ASTN2: variants seen among roughly 807,000 people sequenced by gnomAD.
ASTN2 encodes the protein astrotactin-2.
In ASTN2, 54 loss-of-function variants were observed where a neutral mutation model predicts 139.8. The observed-to-expected ratio is 0.39, with a 90% confidence interval of 0.31 to 0.48. The LOEUF is 0.48. Ranked by LOEUF, ASTN2 falls within the 20% of genes least tolerant of loss-of-function variation. The pLI is 0.95. For synonymous variants in ASTN2, 756 were observed against 719.5 expected (o/e 1.05, Z -0.81); for missense variants, 1,565 against 1,725.1 (o/e 0.91, Z 1.64).
At chr9:117,321,206 A>C (rs940658530) in intron 1 of ASTN2, among the ~76,000 whole-genome samples, 1 of 152,234 alleles carries the variant, frequency 6.6e-6, no homozygotes, top group African/African-American at 2.4e-5. Context: ...TGCTTAGTGA[A>C]TATCTGTGGA....
intron 1 of ASTN2, among the ~76,000 whole-genome samples, chr9:117,366,675 G>A (rs1442820127): frequency 1.3e-5 from 2 of 152,060 alleles, no homozygotes; most frequent in African/African-American, 4.8e-5. Flanking sequence ...TGGTGTCTGA[G>A]CTCCTGCACC....
rs1190148168 is a variant in ASTN2, at chr9:117,414,811, G to T, written c.128C>A (p.Pro43Gln). ...GGCGCCGGCCAGCAGCGGCGGCGGCGGCAGCAGGAGCAGGAACAGCAGCAG... is the reference window on the plus strand; with the variant it reads ...GGCGCCGGCCAGCAGCGGCGGCGGCTGCAGCAGGAGCAGGAACAGCAGCAG... ...PLLLLFLLLL[P>Q]PPPLLAGATA... Residue 43 changes from proline to glutamine, a missense_variant, in exon 1 of 23, where the codon CCG (proline) becomes CAG (glutamine). Pro to Gln is a moderately conservative substitution (Grantham distance 76). Coordinates refer to ENST00000313400, the MANE Select transcript of ASTN2 (RefSeq NM_001365068.1). This position sits in a 1 kb window ranked among gnomAD's most constrained non-coding sequence, Gnocchi z 4.2. 1 of 1,221,490 alleles carries T rather than the reference G, an allele frequency of 8.2e-7. No homozygotes were observed. Among genetic ancestry groups the T allele is most frequent in the Non-Finnish European group, 1.0e-6 (1 of 979,880 alleles). The allele number at this position is 1,221,490 out of a possible 1,614,324, so 75.7% of individuals were successfully genotyped here.
At chr9:116,711,486 G>A (rs12352766) in intron 16 of ASTN2, among the ~76,000 whole-genome samples, 11,091 of 152,226 alleles carry the variant, frequency 0.073, 703 homozygotes, top group African/African-American at 0.17. Flanking sequence ...CATGTATGCA[G>A]CTACATACCA....
chr9:116,623,718 A>G (rs114993230), intron 17 of ASTN2, among the ~76,000 whole-genome samples: 408 of 152,288 alleles, frequency 2.7e-3, no homozygotes, highest in African/African-American at 9.6e-3. Context: ...GCTCAAAATT[A>G]CCCATTGAAA....
intron 6 of ASTN2, among the ~76,000 whole-genome samples, chr9:117,028,180 A>C (rs1339305361): frequency 1.3e-5 from 2 of 152,164 alleles, no homozygotes; most frequent in Non-Finnish European, 2.9e-5. Flanking sequence ...GTTTAAATGG[A>C]AGCCAGAGTT....
chr9:116,613,816 A>T (rs1211288795), intron 19 of ASTN2, among the ~76,000 whole-genome samples: 1 of 152,216 alleles, frequency 6.6e-6, no homozygotes, highest in Non-Finnish European at 1.5e-5. Context: ...AAACTGGCAC[A>T]AGACAGGGAT....
At chr9:117,017,066 G>A (rs941774031) in intron 6 of ASTN2, among the ~76,000 whole-genome samples, 1 of 151,780 alleles carries the variant, frequency 6.6e-6, no homozygotes, top group African/African-American at 2.4e-5. Flanking sequence ...GACAAAAAAG[G>A]TTTGAAGTTT....
chr9:116,481,446 C>T (rs962134739), intron 20 of ASTN2, among the ~76,000 whole-genome samples: 5 of 152,142 alleles, frequency 3.3e-5, no homozygotes, highest in Non-Finnish European at 1.5e-5. Flanking sequence ...CAAGGCCACA[C>T]AGTGGGTAAA....
chr9:116,662,646 T>C (rs1249054132), intron 16 of ASTN2, among the ~76,000 whole-genome samples: 1 of 152,198 alleles, frequency 6.6e-6, no homozygotes, highest in Non-Finnish European at 1.5e-5. Flanking sequence ...GTTCTTGTTA[T>C]TATTACTATT....
chr9:116,747,693 GCACACACA>G (rs56265727), intron 13 of ASTN2, among the ~76,000 whole-genome samples: 2,424 of 149,132 alleles, frequency 0.016, 48 homozygotes, highest in African/African-American at 0.047. Context: ...GTGTGCATGA[GCACACACA>G]CACACACACA....
chr9:117,106,983 T>A (rs574957325), intron 4 of ASTN2, among the ~76,000 whole-genome samples: 1 of 152,302 alleles, frequency 6.6e-6, no homozygotes, highest in South Asian at 2.1e-4. Context: ...TACCTACATA[T>A]ACCCAAATGA....
intron 5 of ASTN2, among the ~76,000 whole-genome samples, chr9:117,065,899 G>C (rs370303971): frequency 6.6e-6 from 1 of 152,002 alleles, no homozygotes; most frequent in African/African-American, 2.4e-5. Flanking sequence ...CACTTTCTTC[G>C]TAAGTATCTT....
intron 10 of ASTN2, among the ~76,000 whole-genome samples, chr9:116,883,820 C>T (rs1383133692): frequency 6.6e-6 from 1 of 152,184 alleles, no homozygotes; most frequent in East Asian, 1.9e-4. Flanking sequence ...ATAGAACTAC[C>T]ATCTACAAGC....
intron 11 of ASTN2, among the ~76,000 whole-genome samples, chr9:116,824,397 C>CTT (rs10684256): frequency 0.79 from 120,176 of 151,576 alleles, 47,808 homozygotes; most frequent in East Asian, 0.91. Context: ...CTCTCTCTCT[C>CTT]ATCACTTGCT....
chr9:116,448,635 C>A (rs914698591), intron 20 of ASTN2, among the ~76,000 whole-genome samples: 1 of 152,162 alleles, frequency 6.6e-6, no homozygotes, highest in Non-Finnish European at 1.5e-5. Flanking sequence ...TGGGCAGTAG[C>A]AAGAAGCTAC....
intron 13 of ASTN2, among the ~76,000 whole-genome samples, chr9:116,761,314 T>C (rs1414589730): frequency 6.6e-6 from 1 of 152,148 alleles, no homozygotes; most frequent in Non-Finnish European, 1.5e-5. Flanking sequence ...CACTTAATGA[T>C]TAAATTCTTA....
chr9:117,110,592 G>A (rs578166758), intron 4 of ASTN2, among the ~76,000 whole-genome samples: 1 of 152,122 alleles, frequency 6.6e-6, no homozygotes, highest in African/African-American at 2.4e-5. Flanking sequence ...AGAGGAGTAC[G>A]CTAGTAACAG....
At chr9:116,941,611 A>G (rs1416895835) in intron 10 of ASTN2, among the ~76,000 whole-genome samples, 1 of 151,072 alleles carries the variant, frequency 6.6e-6, no homozygotes, top group African/African-American at 2.4e-5. Context: ...AAAAAAAAAC[A>G]ACTTCACAGA....
At chr9:117,272,467 T>C (rs1187161770) in intron 2 of ASTN2, among the ~76,000 whole-genome samples, 1 of 152,242 alleles carries the variant, frequency 6.6e-6, no homozygotes, top group African/African-American at 2.4e-5. Flanking sequence ...GGCTCTTTGC[T>C]ACTTATGTGA....
Sources: allele counts gnomAD v4.1 joint callset (sites outside exome capture counted in the v4.1 genomes callset), GRCh38; gene constraint gnomAD v4.1.1; non-coding constraint Gnocchi (gnomAD v3.1); transcripts MANE v1.5; gene names NCBI Gene and HGNC (gene_info 2026-07-23, HGNC 2026-07-21).